ADAMTS2: variants seen among roughly 807,000 people sequenced by gnomAD.
ADAMTS2 encodes the protein A disintegrin and metalloproteinase with thrombospondin motifs 2.
In ADAMTS2, 50 loss-of-function variants were observed where a neutral mutation model predicts 123.0. The observed-to-expected ratio is 0.41, with a 90% CI of 0.32 to 0.51. The LOEUF is 0.51. Ranked by LOEUF, ADAMTS2 falls within the 20% of genes least tolerant of loss-of-function variation. The pLI is 0.35. For missense variants in ADAMTS2, 1,494 were observed against 1,705.2 expected (o/e 0.88, Z 2.18); for synonymous variants, 678 against 695.4 (o/e 0.98, Z 0.39).
rs1410493239 is a variant in ADAMTS2 at position 179,312,775 on chromosome 5, C to T, written c.534+30992G>A. Among the ~76,000 whole-genome samples the T allele has an allele frequency of 6.6e-6, 1 of 152,208 alleles. No homozygotes were observed. Among genetic ancestry groups the T allele is most frequent in the East Asian group, 1.9e-4 (1 of 5,188 alleles). On this transcript the variant is annotated intron_variant, in intron 2 of 21. Transcript: ENST00000251582. This position sits in a 1 kb window ranked among gnomAD's most constrained non-coding sequence, Gnocchi z 4.2. ...GGACCTGGAAGAGCCCAGGACGCAT[C>T]CTCCCCTAGAGGCTCCGGAGGGAGC...
intron 5 of ADAMTS2, among the ~76,000 whole-genome samples, chr5:179,163,698 C>A (rs561303461): frequency 5.3e-5 from 8 of 152,188 alleles, no homozygotes; most frequent in Admixed American, 4.6e-4. Context: ...CCCGTCTTAG[C>A]AGCCAAAGTG....
chr5:179,171,845 G>A (rs755577978), intron 5 of ADAMTS2, among the ~76,000 whole-genome samples: 1 of 152,140 alleles, frequency 6.6e-6, no homozygotes, highest in South Asian at 2.1e-4. Context: ...GAATTCCCGG[G>A]GTCTGACAGA....
intron 17 of ADAMTS2, among the ~76,000 whole-genome samples, chr5:179,127,261 G>A (rs777812674): frequency 2.6e-5 from 4 of 152,168 alleles, no homozygotes; most frequent in African/African-American, 7.2e-5. Context: ...ATCCAGGCCC[G>A]GTGTGGGGCC....
intron 2 of ADAMTS2, among the ~76,000 whole-genome samples, chr5:179,293,130 T>G (rs901959963): frequency 3.9e-5 from 6 of 152,198 alleles, no homozygotes; most frequent in African/African-American, 1.4e-4. Flanking sequence ...AAGCCGCTCC[T>G]CCTTGTCCAC....
chr5:179,339,176 AAGGTGGGC>A (rs1367884559), intron 2 of ADAMTS2, among the ~76,000 whole-genome samples: 1 of 152,184 alleles, frequency 6.6e-6, no homozygotes, highest in Non-Finnish European at 1.5e-5. Context: ...CTCAGTCCCA[AAGGTGGGC>A]AGGAGACCTG....
chr5:179,177,242 C>A (rs1428407310), intron 5 of ADAMTS2, among the ~76,000 whole-genome samples: 1 of 152,212 alleles, frequency 6.6e-6, no homozygotes, highest in Non-Finnish European at 1.5e-5. Flanking sequence ...ATTAAACAAT[C>A]TCCACATTCC....
intron 10 of ADAMTS2, among the ~76,000 whole-genome samples, chr5:179,140,517 G>C (rs1161554195): frequency 1.3e-5 from 2 of 152,212 alleles, no homozygotes; most frequent in Non-Finnish European, 2.9e-5. Flanking sequence ...AAAGTCCAAT[G>C]CTGGCATGTA....
In ADAMTS2 at chr5:179,206,080, A is replaced by G. The variant is rs575511079; in HGVS notation, c.891+1433T>C. Among the ~76,000 whole-genome samples, 9 of 152,272 alleles carry G rather than the reference A, an allele frequency of 5.9e-5. No individual in the cohort carries two copies. The South Asian group carries it at 1.9e-3, about 32-fold the overall frequency. On this transcript the variant is annotated intron_variant, in intron 4 of 21. Transcript: ENST00000251582. The stretch of plus-strand genomic sequence containing the variant: ...GGCCGTTATTATGATTATTGCATTA[A>G]AGGTACGTTTCAAAAATAAGATGAG...
chr5:179,328,826 T>C (rs1354602201), intron 2 of ADAMTS2, among the ~76,000 whole-genome samples: 1 of 152,216 alleles, frequency 6.6e-6, no homozygotes, highest in Non-Finnish European at 1.5e-5. Context: ...TTTAAACATC[T>C]GAATCAATCT....
In ADAMTS2 at chr5:179,332,445, G is replaced by A. The variant is rs1757505086; in HGVS notation, c.534+11322C>T. On this transcript the variant is annotated intron_variant, in intron 2 of 21. Coordinates refer to ENST00000251582, the MANE Select transcript of ADAMTS2 (RefSeq NM_014244.5). This position sits in a 1 kb window ranked among gnomAD's most constrained non-coding sequence, Gnocchi z 4.2. ...CTTATATCAGGAACAAGGGGACTCA[G>A]ACCAAATCTGATAATAAAAGGTGTT... is the stretch of plus-strand genomic sequence containing the variant. 6.6e-6 allele frequency among the ~76,000 whole-genome samples: 1 copy of A among 152,228 alleles called. No individual in the cohort carries two copies. The highest frequency in any genetic ancestry group is 1.5e-5 in the Non-Finnish European group (1 of 68,042).
At chr5:179,259,275 A>G (rs1245822044) in intron 3 of ADAMTS2, among the ~76,000 whole-genome samples, 1 of 152,160 alleles carries the variant, frequency 6.6e-6, no homozygotes, top group Non-Finnish European at 1.5e-5. Flanking sequence ...CCTCAGCCCA[A>G]CGTCCAGTGA....
In ADAMTS2 at chr5:179,128,218, C is replaced by G; in HGVS notation, c.2458-100G>C. 1 of 1,430,344 alleles carries G rather than the reference C, an allele frequency of 7.0e-7. No homozygotes were observed. The highest frequency in any genetic ancestry group is 9.6e-7 in the Non-Finnish European group (1 of 1,036,618). 88.6% of individuals were successfully genotyped at this position (1,430,344 alleles called of 1,614,324 possible). On this transcript the variant is annotated intron_variant, in intron 16 of 21. Transcript: ENST00000251582. The surrounding 1 kb of genome is among the most constrained non-coding windows in gnomAD (Gnocchi z 4.9). ...GCTGAGGCCGACTCCAGAGGAGTCT[C>G]ATCATTCATGGCAGTTACATTCCAT...
intron 3 of ADAMTS2, among the ~76,000 whole-genome samples, chr5:179,249,031 A>G (rs1375545542): frequency 6.6e-6 from 1 of 152,186 alleles, no homozygotes; most frequent in African/African-American, 2.4e-5. Flanking sequence ...GAAACCATAC[A>G]AAGCATCTTC....
intron 2 of ADAMTS2, among the ~76,000 whole-genome samples, chr5:179,315,331 G>GGAAAGCACTGAGGCCACAGTTGGCTTGT (rs1195221011): frequency 8.2e-5 from 4 of 49,078 alleles, no homozygotes; most frequent in Non-Finnish European, 8.5e-5. Flanking sequence ...ACAGTGCTTT[G>GGAAAGCACTGAGGCCACAGTTGGCTTGT]GGAAGGTCAT....
intron 3 of ADAMTS2, among the ~76,000 whole-genome samples, chr5:179,251,978 T>G (rs1381513396): frequency 6.6e-6 from 1 of 151,964 alleles, no homozygotes; most frequent in Non-Finnish European, 1.5e-5. Flanking sequence ...AGAGGTTTTG[T>G]GTCTCACTGA....
intron 2 of ADAMTS2, among the ~76,000 whole-genome samples, chr5:179,342,517 A>G (rs26814): frequency 0.18 from 27,786 of 152,258 alleles, 2,528 homozygotes; most frequent in Middle Eastern, 0.22. Flanking sequence ...TGTCTCCATA[A>G]AAAGAATGAC....
intron 10 of ADAMTS2, among the ~76,000 whole-genome samples, chr5:179,147,579 A>G (rs1657233187): frequency 6.6e-6 from 1 of 152,220 alleles, no homozygotes; most frequent in Admixed American, 6.5e-5. Context: ...GATCTGAGGG[A>G]AATGGCCAGC....
Position 179,332,438 on chromosome 5 carries a change from G to A in ADAMTS2, c.534+11329C>T, listed in dbSNP as rs1288695606. On this transcript the variant is annotated intron_variant, in intron 2 of 21. Coordinates refer to ENST00000251582, the MANE Select transcript of ADAMTS2 (RefSeq NM_014244.5). The surrounding 1 kb of genome is among the most constrained non-coding windows in gnomAD (Gnocchi z 4.2). ...AGAAACTCTTATATCAGGAACAAGG[G>A]GACTCAGACCAAATCTGATAATAAA... 1.3e-5 allele frequency among the ~76,000 whole-genome samples: 2 copies of A among 152,112 alleles called. No homozygotes were observed. Among genetic ancestry groups the A allele is most frequent in the Non-Finnish European group, 2.9e-5 (2 of 68,032 alleles).
chr5:179,205,595 G>A lies in ADAMTS2; in HGVS notation c.891+1918C>T, dbSNP rs146875683. On this transcript the variant is annotated intron_variant, in intron 4 of 21. Coordinates refer to ENST00000251582, the MANE Select transcript of ADAMTS2 (RefSeq NM_014244.5). ...GGGTTGGAAGGCGACATAATGCTAG[G>A]GGAAGAACTCATATTGTGAAGGCAG... Among the ~76,000 whole-genome samples, 649 of 152,252 alleles carry A rather than the reference G, an allele frequency of 4.3e-3. 9 individuals carry two copies. Among genetic ancestry groups the A allele is most frequent in the African/African-American group, 0.015 (629 of 41,554 alleles).
Sources: gnomAD v4.1 joint callset for allele counts (sites outside exome capture counted in the v4.1 genomes callset) on GRCh38, gnomAD v4.1.1 for gene constraint, Gnocchi (gnomAD v3.1) non-coding constraint, MANE v1.5 for transcripts, NCBI Gene and HGNC (gene_info 2026-07-23, HGNC 2026-07-21) for gene names.